Variants in CDH18 observed in about 807,000 individuals in gnomAD.
CDH18 encodes cadherin-18.
Under a neutral mutation model 67.9 loss-of-function variants are expected in CDH18, and 31 were observed. The ratio of observed to expected loss-of-function variants is 0.46; its 90% CI spans 0.34 to 0.62. CDH18 has a LOEUF of 0.62. Among genes scored for constraint, CDH18 ranks in the 20% least tolerant of loss-of-function variants. The pLI, the probability that CDH18 is intolerant of heterozygous loss-of-function variation, is 0.01. For missense variants in CDH18, 890 were observed against 975.5 expected, an observed-to-expected ratio of 0.91 and a Z score of 1.17; for synonymous variants, 362 against 347.2, an observed-to-expected ratio of 1.04 and a Z score of -0.48.
intron 1 of CDH18, among the ~76,000 whole-genome samples, chr5:20,515,404 C>G (rs771408554): frequency 3.3e-5 from 5 of 151,904 alleles, no homozygotes; most frequent in East Asian, 1.9e-4. Flanking sequence ...TCATTCTTGT[C>G]CCAAACAGGT....
intron 1 of CDH18, among the ~76,000 whole-genome samples, chr5:20,315,646 C>A (rs1737395151): frequency 6.6e-6 from 1 of 152,106 alleles, no homozygotes; most frequent in Non-Finnish European, 1.5e-5. Context: ...TGCTTAAGGT[C>A]ATTCCCACAT....
intron 2 of CDH18, among the ~76,000 whole-genome samples, chr5:20,215,433 A>AAAAT (rs556518313): frequency 0.035 from 4,390 of 125,902 alleles, 103 homozygotes; most frequent in South Asian, 0.054. Context: ...TTCCATCCAA[A>AAAAT]AAATAAATAA....
chr5:20,501,428 T>TATATATTTTATATAC (rs1322000957), intron 1 of CDH18, among the ~76,000 whole-genome samples: 1 of 127,956 alleles, frequency 7.8e-6, no homozygotes, highest in African/African-American at 2.8e-5. Flanking sequence ...ACATATTATA[T>TATATATTTTATATAC]ATATATTTTA....
chr5:20,482,942 C>T (rs978343750), intron 1 of CDH18, among the ~76,000 whole-genome samples: 5 of 151,484 alleles, frequency 3.3e-5, no homozygotes, highest in African/African-American at 1.2e-4. Context: ...AGAAATCAGA[C>T]AAGAGAAAAA....
At chr5:20,236,565 T>C (rs1742490389) in intron 2 of CDH18, among the ~76,000 whole-genome samples, 1 of 151,992 alleles carries the variant, frequency 6.6e-6, no homozygotes, top group South Asian at 2.1e-4. Flanking sequence ...CAAACAATTA[T>C]ATGTCAATTA....
At chr5:20,533,495 T>C (rs918039541) in intron 1 of CDH18, among the ~76,000 whole-genome samples, 3 of 152,140 alleles carry the variant, frequency 2.0e-5, no homozygotes, top group African/African-American at 7.2e-5. Flanking sequence ...TGAGCCTTAA[T>C]CTTATTTAAA....
chr5:19,550,577 T>C (rs1737241213), intron 8 of CDH18, among the ~76,000 whole-genome samples: 1 of 152,204 alleles, frequency 6.6e-6, no homozygotes. Context: ...TCCATGTCCC[T>C]ACAAAGGACA....
intron 3 of CDH18, among the ~76,000 whole-genome samples, chr5:19,787,537 A>G (rs1775935699): frequency 6.6e-6 from 1 of 152,170 alleles, no homozygotes; most frequent in African/African-American, 2.4e-5. Context: ...CTGAAACTAT[A>G]TGCATGTGTT....
chr5:19,922,869 T>C (rs1271602241), intron 2 of CDH18, among the ~76,000 whole-genome samples: 2 of 152,180 alleles, frequency 1.3e-5, no homozygotes, highest in Non-Finnish European at 2.9e-5. Flanking sequence ...CAAGCTATTT[T>C]TGGAGGAAGG....
rs1371623074 is a variant in CDH18, at chr5:20,039,176, T to C, written c.-517-47162A>G. On this transcript the variant is annotated intron_variant, in intron 2 of 14. Transcript: ENST00000507958. ...CTCTTCAAGGAGAACTACAAACCAC[T>C]GCTCAAGGAAATAGGAGAGTACACA... 3.9e-5 allele frequency among the ~76,000 whole-genome samples: 6 copies of C among 152,104 alleles called. No homozygotes were observed. The South Asian group carries it at 8.3e-4, about 21-fold the overall frequency.
At chr5:19,886,436 C>T (rs1788211184) in intron 2 of CDH18, among the ~76,000 whole-genome samples, 1 of 152,084 alleles carries the variant, frequency 6.6e-6, no homozygotes, top group African/African-American at 2.4e-5. Flanking sequence ...AGACAAGAGG[C>T]AATTATTTCA....
chr5:19,980,563 C>T (rs991801550), intron 2 of CDH18, among the ~76,000 whole-genome samples: 1 of 152,134 alleles, frequency 6.6e-6, no homozygotes, highest in Admixed American at 6.6e-5. Flanking sequence ...TCAAGACAGT[C>T]ACTCACCGGA....
intron 2 of CDH18, among the ~76,000 whole-genome samples, chr5:19,969,488 T>G (rs903966245): frequency 1.0e-4 from 15 of 149,822 alleles, no homozygotes; most frequent in African/African-American, 3.5e-4. Flanking sequence ...ATGTGGCACA[T>G]ATACACCATG....
At chr5:19,898,232 T>A (rs980065348) in intron 2 of CDH18, among the ~76,000 whole-genome samples, 9 of 152,114 alleles carry the variant, frequency 5.9e-5, no homozygotes, top group Non-Finnish European at 1.2e-4. Context: ...TATCTTTTCA[T>A]TATGTAATAT....
upstream of CDH18, among the ~76,000 whole-genome samples, chr5:19,991,052 G>A (rs10040332): frequency 0.035 from 5,297 of 152,202 alleles, 308 homozygotes; most frequent in African/African-American, 0.12. Flanking sequence ...TCTAACACAC[G>A]ATTGATGCTG....
Position 19,612,580 on chromosome 5 carries a change from T to C in CDH18, c.665A>G (p.His222Arg), listed in dbSNP as rs757812126. 6.8e-6 allele frequency: 11 copies of C among 1,613,718 alleles called. No individual in the cohort carries two copies. The highest frequency in any genetic ancestry group is 1.1e-5 in the South Asian group (1 of 91,082). ...PKTGVIRTAL[H>R]NMDREAREHY... ...TTCTCTGGCTTCTCTGTCCATGTTA[T>C]GTAAGGCCGTTCTAATAACTCCTGT... The change falls in exon 6 of 13, where the codon CAT (histidine) becomes CGT (arginine). Residue 222 changes from histidine (H) to arginine (R), a missense_variant. His to Arg is a conservative substitution (Grantham distance 29). Coordinates refer to ENST00000382275, the MANE Select transcript of CDH18 (RefSeq NM_004934.5).
intron 2 of CDH18, among the ~76,000 whole-genome samples, chr5:19,910,321 GT>G (rs1790993137): frequency 2.6e-5 from 4 of 152,112 alleles, no homozygotes; most frequent in African/African-American, 9.7e-5. Flanking sequence ...AAGCCACTCT[GT>G]ACAGGTTTAT....
intron 5 of CDH18, among the ~76,000 whole-genome samples, chr5:19,660,472 C>A (rs559695845): frequency 2.2e-4 from 33 of 152,214 alleles, no homozygotes; most frequent in Non-Finnish European, 2.2e-4. Flanking sequence ...GTCACGCCTG[C>A]TGAAAGATGC....
intron 9 of CDH18, among the ~76,000 whole-genome samples, chr5:19,541,595 A>G (rs1750288867): frequency 6.6e-6 from 1 of 152,196 alleles, no homozygotes; most frequent in Admixed American, 6.5e-5. Flanking sequence ...ATCATGAAAG[A>G]AGGCAAAGGA....
Sources: allele counts gnomAD v4.1 joint callset (sites outside exome capture counted in the v4.1 genomes callset), GRCh38; gene constraint gnomAD v4.1.1; transcripts MANE v1.5; gene names NCBI Gene and HGNC (gene_info 2026-07-23, HGNC 2026-07-21).